Variants in CNTN4 observed in about 807,000 individuals in gnomAD.
The protein encoded by CNTN4 is contactin-4.
Under a neutral mutation model 122.5 loss-of-function variants are expected in CNTN4, and 77 were observed. That is an observed-to-expected ratio of 0.63 (90% CI 0.52 to 0.76). CNTN4 has a LOEUF of 0.76. Among genes scored for constraint, CNTN4 ranks in the 30% least tolerant of loss-of-function variants. The probability of loss-of-function intolerance (pLI) is 0.00; values close to 1 mark genes in which losing one functional copy is unlikely to be tolerated. For missense variants in CNTN4, 1,256 were observed against 1,259.1 expected (o/e 1.00, Z 0.04); for synonymous variants, 512 against 447.0 (o/e 1.15, Z -1.83).
At chr3:2,316,635 T>TA (rs1486337108) in intron 2 of CNTN4, among the ~76,000 whole-genome samples, 8 of 152,176 alleles carry the variant, frequency 5.3e-5, no homozygotes, top group Non-Finnish European at 1.0e-4. Flanking sequence ...TGGTATGACT[T>TA]ACAGGATTCA....
chr3:2,898,926 C>A (rs2094143247), intron 10 of CNTN4, among the ~76,000 whole-genome samples: 2 of 152,154 alleles, frequency 1.3e-5, no homozygotes, highest in Admixed American at 1.3e-4. Flanking sequence ...TTTGCATTAG[C>A]AGCAGGAAGA....
At chr3:2,553,608 G>A (rs1169251124) in intron 3 of CNTN4, among the ~76,000 whole-genome samples, 1 of 152,092 alleles carries the variant, frequency 6.6e-6, no homozygotes, top group Non-Finnish European at 1.5e-5. Context: ...AGGAAGAAAA[G>A]GACCAGAGCT....
chr3:2,817,680 G>C (rs1576915622), intron 6 of CNTN4, among the ~76,000 whole-genome samples: 1 of 152,106 alleles, frequency 6.6e-6, no homozygotes, highest in East Asian at 1.9e-4. Flanking sequence ...GATGATACGT[G>C]ATCTCTACTA....
intron 3 of CNTN4, among the ~76,000 whole-genome samples, chr3:2,567,244 A>G (rs1209818256): frequency 1.3e-5 from 2 of 151,792 alleles, no homozygotes; most frequent in Non-Finnish European, 2.9e-5. Flanking sequence ...GTGCCACCAC[A>G]CCCAACTAAT....
intron 3 of CNTN4, among the ~76,000 whole-genome samples, chr3:2,450,888 G>A (rs963093470): frequency 6.6e-6 from 1 of 152,146 alleles, no homozygotes; most frequent in African/African-American, 2.4e-5. Flanking sequence ...GCTTACCATA[G>A]GCAGGCAAGA....
intron 4 of CNTN4, among the ~76,000 whole-genome samples, chr3:2,590,740 G>A (rs2080430991): frequency 6.6e-6 from 1 of 151,578 alleles, no homozygotes; most frequent in African/African-American, 2.4e-5. Context: ...CTTTTGAATG[G>A]TCTTTCCCCT....
intron 2 of CNTN4, among the ~76,000 whole-genome samples, chr3:2,273,170 CAGTA>C (rs1419334987): frequency 2.0e-5 from 3 of 152,134 alleles, no homozygotes; most frequent in East Asian, 3.8e-4. Context: ...CTTAAAAATG[CAGTA>C]AGTAATTGTA....
At chr3:2,106,758 T>C (rs553755702) in intron 2 of CNTN4, among the ~76,000 whole-genome samples, 1 of 152,252 alleles carries the variant, frequency 6.6e-6, no homozygotes, top group African/African-American at 2.4e-5. Context: ...TTTCTGCAGC[T>C]GGCTTGAATT....
At position 2,709,646 on chromosome 3, in the gene CNTN4, G is replaced by T. The variant is rs893215298; in HGVS notation, c.56-26569G>T. 5.9e-5 allele frequency among the ~76,000 whole-genome samples: 9 copies of T among 152,136 alleles called. No individual in the cohort carries two copies. Among genetic ancestry groups the T allele is most frequent in the Admixed American group, 3.3e-4 (5 of 15,284 alleles). Reference sequence around the variant, plus strand: ...TTCCACAATGTGGCTGGGTGCGGTGGCTCTCACCTGTAACCGCAGCACTTT... The same window carrying T: ...TTCCACAATGTGGCTGGGTGCGGTGTCTCTCACCTGTAACCGCAGCACTTT... On this transcript the variant is annotated intron_variant, in intron 4 of 24. Coordinates refer to ENST00000418658, the MANE Select transcript of CNTN4 (RefSeq NM_175607.3). This position sits in a 1 kb window ranked among gnomAD's most constrained non-coding sequence, Gnocchi z 5.0.
At chr3:2,813,125 CAG>C (rs1559531567) in intron 6 of CNTN4, among the ~76,000 whole-genome samples, 1 of 152,156 alleles carries the variant, frequency 6.6e-6, no homozygotes. Flanking sequence ...GAGCAAATGG[CAG>C]AGAGTCAAGA....
At chr3:2,874,249 C>G (rs2093817784) in intron 8 of CNTN4, among the ~76,000 whole-genome samples, 1 of 152,152 alleles carries the variant, frequency 6.6e-6, no homozygotes, top group African/African-American at 2.4e-5. Context: ...CTGTTAAGTG[C>G]TCGTTGTGTG....
intron 13 of CNTN4, among the ~76,000 whole-genome samples, chr3:2,965,128 CTG>C (rs1008065292): frequency 1.4e-4 from 21 of 152,170 alleles, no homozygotes; most frequent in African/African-American, 5.1e-4. Flanking sequence ...TTTTCTACCT[CTG>C]TGCTCTCAGA....
At chr3:3,007,414 A>T (rs575450331) in intron 14 of CNTN4, among the ~76,000 whole-genome samples, 1 of 152,306 alleles carries the variant, frequency 6.6e-6, no homozygotes, top group African/African-American at 2.4e-5. Flanking sequence ...ATGCCAGTGG[A>T]TTATTCTGTG....
intron 4 of CNTN4, among the ~76,000 whole-genome samples, chr3:2,683,560 G>T (rs916616432): frequency 5.3e-5 from 8 of 151,960 alleles, no homozygotes; most frequent in Admixed American, 5.2e-4. Flanking sequence ...AACACACTTC[G>T]AATGTTTTTC....
chr3:2,594,645 C>T lies in CNTN4; in HGVS notation c.55+23087C>T, dbSNP rs988129305. On this transcript the variant is annotated intron_variant, in intron 4 of 24. Transcript: ENST00000418658. Reference sequence around the variant, plus strand: ...CCATGTTGGCCAGGCTGGTCTTGAACTCCTGACCTCAGAATCGGCCAGCCT... The same window carrying T: ...CCATGTTGGCCAGGCTGGTCTTGAATTCCTGACCTCAGAATCGGCCAGCCT... 8.1e-5 allele frequency among the ~76,000 whole-genome samples: 10 copies of T among 123,568 alleles called. No individual in the cohort carries two copies. The South Asian group carries it at 2.3e-3, about 29-fold the overall frequency. The allele number at this position is 123,568 out of a possible 152,430, so 81.1% of individuals were successfully genotyped here. A position where few individuals can be genotyped will look rare whatever the true frequency, so the allele number is the denominator to read the frequency against.
intron 13 of CNTN4, among the ~76,000 whole-genome samples, chr3:2,944,888 A>C (rs547509328): frequency 6.6e-6 from 1 of 152,312 alleles, no homozygotes; most frequent in Admixed American, 6.5e-5. Flanking sequence ...GTTGGTTGCA[A>C]CTGGGATTTC....
At chr3:2,626,702 G>T (rs1006869628) in intron 4 of CNTN4, among the ~76,000 whole-genome samples, 2 of 152,094 alleles carry the variant, frequency 1.3e-5, no homozygotes, top group Non-Finnish European at 2.9e-5. Context: ...AAAATTACTT[G>T]TGATAACCCA....
chr3:3,057,330 C>G lies in CNTN4; in HGVS notation c.*1110C>G, dbSNP rs1248447736. On this transcript the variant is annotated 3_prime_UTR_variant, in exon 25 of 25. Coordinates refer to ENST00000418658, the MANE Select transcript of CNTN4 (RefSeq NM_175607.3). ...TTTTTAATATGACTCTATAAAAGCT[C>G]TTTAGTACAATTGTATGGTTTCTTG... is the stretch of plus-strand genomic sequence containing the variant. The G allele has an allele frequency of 1.3e-5, 2 of 152,542 alleles. No individual in the cohort carries two copies. Among genetic ancestry groups the G allele is most frequent in the Admixed American group, 6.5e-5 (1 of 15,278 alleles). 9.4% of individuals were successfully genotyped at this position (152,542 alleles called of 1,614,324 possible).
At chr3:2,197,797 C>G (rs534600510) in intron 2 of CNTN4, among the ~76,000 whole-genome samples, 1 of 152,088 alleles carries the variant, frequency 6.6e-6, no homozygotes, top group Non-Finnish European at 1.5e-5. Flanking sequence ...AGTTGGATCA[C>G]TTGAGGTCAG....
Sources: gnomAD v4.1 joint callset for allele counts (sites outside exome capture counted in the v4.1 genomes callset) on GRCh38, gnomAD v4.1.1 for gene constraint, Gnocchi (gnomAD v3.1) non-coding constraint, MANE v1.5 for transcripts, NCBI Gene and HGNC (gene_info 2026-07-23, HGNC 2026-07-21) for gene names.